Variants in MGAT4C observed in about 807,000 individuals in gnomAD.
MGAT4C encodes the protein MGAT4 family member C, also known as alpha-1,3-mannosyl-glycoprotein 4-beta-N-acetylglucosaminyltransferase C.
A neutral mutation model predicts 40.1 loss-of-function variants in MGAT4C; 19 were observed. That is an observed-to-expected ratio of 0.47 (90% CI 0.33 to 0.70). MGAT4C has a LOEUF of 0.70. Among genes scored for constraint, MGAT4C ranks in the 30% least tolerant of loss-of-function variants. MGAT4C has a pLI of 0.02. For missense variants in MGAT4C, 491 were observed against 563.2 expected, an observed-to-expected ratio of 0.87 and a Z score of 1.30; for synonymous variants, 181 against 187.1, an observed-to-expected ratio of 0.97 and a Z score of 0.27.
intron 1 of MGAT4C, among the ~76,000 whole-genome samples, chr12:86,255,312 C>T (rs1354826408): frequency 6.6e-6 from 1 of 151,996 alleles, no homozygotes; most frequent in Non-Finnish European, 1.5e-5. Context: ...TGAGGGGATA[C>T]AAATGTTTTT....
chr12:86,316,079 C>CAAAAAAAAAAAAAAA (rs71076185), intron 4 of MGAT4C, among the ~76,000 whole-genome samples: 1 of 34,062 alleles, frequency 2.9e-5, no homozygotes, highest in Non-Finnish European at 5.0e-5. Context: ...ATACAAGCAG[C>CAAAAAAAAAAAAAAA]AAAAAAAAAA....
intron 4 of MGAT4C, among the ~76,000 whole-genome samples, chr12:86,279,117 T>G (rs1447343171): frequency 6.6e-6 from 1 of 152,182 alleles, no homozygotes; most frequent in African/African-American, 2.4e-5. Flanking sequence ...TTTTCTTTTC[T>G]ATTTTTTTAA....
At chr12:86,208,187 T>A (rs1487084921) in intron 1 of MGAT4C, among the ~76,000 whole-genome samples, 4 of 152,164 alleles carry the variant, frequency 2.6e-5, no homozygotes, top group Non-Finnish European at 2.9e-5. Flanking sequence ...AAATTCAAGC[T>A]GGGCGCAGTG....
At chr12:86,811,840 CCTG>C (rs1425058898) in intron 1 of MGAT4C, among the ~76,000 whole-genome samples, 2 of 151,988 alleles carry the variant, frequency 1.3e-5, no homozygotes, top group African/African-American at 2.4e-5. Flanking sequence ...ATATTTCCTT[CCTG>C]CTTTTTGCTC....
At chr12:86,457,266 T>C (rs962997633) in intron 2 of MGAT4C, among the ~76,000 whole-genome samples, 2 of 152,158 alleles carry the variant, frequency 1.3e-5, no homozygotes, top group Admixed American at 1.3e-4. Context: ...TTCAGGCATA[T>C]TATTTTTCAT....
chr12:86,491,517 G>T (rs1958134640), intron 2 of MGAT4C, among the ~76,000 whole-genome samples: 1 of 151,860 alleles, frequency 6.6e-6, no homozygotes, highest in African/African-American at 2.4e-5. Flanking sequence ...ACGTAATCCA[G>T]CATATAAACA....
Position 86,632,328 on chromosome 12 carries a change from C to T in MGAT4C, c.-229+94881G>A, listed in dbSNP as rs191939015. 7.5e-3 allele frequency among the ~76,000 whole-genome samples: 1,148 copies of T among 152,192 alleles called. 4 individuals carry two copies. The highest frequency in any genetic ancestry group is 0.027 in the Middle Eastern group (8 of 294). On this transcript the variant is annotated intron_variant, in intron 2 of 7. Transcript: ENST00000548651. ...TGGGGGGACTGTAAACTAGTTCAACCATTGTGGAAGACAGTGTGGCGATTC... is the reference window on the plus strand; with the variant it reads ...TGGGGGGACTGTAAACTAGTTCAACTATTGTGGAAGACAGTGTGGCGATTC...
At chr12:86,774,327 C>CTTTCTTTCTTTCT (rs1565981576) in intron 1 of MGAT4C, among the ~76,000 whole-genome samples, 4 of 102,504 alleles carry the variant, frequency 3.9e-5, no homozygotes, top group East Asian at 3.2e-4. Flanking sequence ...TTCTTTCTTT[C>CTTTCTTTCTTTCT]TTTCTTTCTT....
chr12:86,674,992 T>C (rs895885731), intron 2 of MGAT4C, among the ~76,000 whole-genome samples: 10 of 152,172 alleles, frequency 6.6e-5, no homozygotes, highest in African/African-American at 2.4e-4. Flanking sequence ...ATTAACCTCA[T>C]TTTACCTTCA....
chr12:86,690,945 T>C (rs1289981103), intron 2 of MGAT4C, among the ~76,000 whole-genome samples: 2 of 152,236 alleles, frequency 1.3e-5, no homozygotes, highest in African/African-American at 4.8e-5. Context: ...TGTATATTTC[T>C]GTCCACATTA....
At chr12:86,053,168 CTT>C (rs34127747) in intron 1 of MGAT4C, among the ~76,000 whole-genome samples, 1 of 145,962 alleles carries the variant, frequency 6.9e-6, no homozygotes. Flanking sequence ...GCCACGGTGA[CTT>C]TTTTTTTTTA....
intron 2 of MGAT4C, among the ~76,000 whole-genome samples, chr12:86,672,884 T>A (rs1282014010): frequency 6.6e-6 from 1 of 152,110 alleles, no homozygotes; most frequent in Admixed American, 6.5e-5. Context: ...CCTATATATG[T>A]ACCCTCTGAA....
At chr12:86,588,611 A>C (rs915535897) in intron 2 of MGAT4C, among the ~76,000 whole-genome samples, 26 of 152,148 alleles carry the variant, frequency 1.7e-4, no homozygotes, top group Middle Eastern at 3.4e-3. Flanking sequence ...TTTTTTCAGC[A>C]CCACACCACA....
intron 1 of MGAT4C, among the ~76,000 whole-genome samples, chr12:86,116,163 G>A (rs1294832695): frequency 6.6e-6 from 1 of 151,538 alleles, no homozygotes; most frequent in Non-Finnish European, 1.5e-5. Context: ...TGATGGTCAG[G>A]GCCCAGATCA....
chr12:86,155,205 A>C (rs2135782135), intron 1 of MGAT4C, among the ~76,000 whole-genome samples: 3 of 152,334 alleles, frequency 2.0e-5, no homozygotes, highest in Admixed American at 2.0e-4. Context: ...AATATGTAGC[A>C]GAAATCATAA....
Position 86,029,137 on chromosome 12 carries a change from C to T in MGAT4C, c.-7+20537G>A, listed in dbSNP as rs138128017. 2.6e-5 allele frequency among the ~76,000 whole-genome samples: 4 copies of T among 151,830 alleles called. No individual in the cohort carries two copies. The East Asian group carries it at 7.7e-4, about 29-fold the overall frequency. On this transcript the variant is annotated intron_variant, in intron 2 of 4. Coordinates refer to ENST00000611864, the MANE Select transcript of MGAT4C (RefSeq NM_001351288.2). ...TGATCTCCGATATTATATACATAAC[C>T]ATCATATTTAGCTTTTAGTGTGTGC...
At chr12:86,340,215 A>G (rs1276725281) in intron 3 of MGAT4C, among the ~76,000 whole-genome samples, 2 of 152,190 alleles carry the variant, frequency 1.3e-5, no homozygotes, top group Admixed American at 1.3e-4. Flanking sequence ...AACATAATTT[A>G]TATCTTCAAA....
intron 2 of MGAT4C, among the ~76,000 whole-genome samples, chr12:86,464,875 T>C (rs1257836984): frequency 2.0e-5 from 3 of 152,144 alleles, no homozygotes; most frequent in African/African-American, 7.2e-5. Flanking sequence ...TAAGAGTTCA[T>C]TATTCATATA....
intron 1 of MGAT4C, among the ~76,000 whole-genome samples, chr12:86,106,893 A>G (rs868237334): frequency 2.6e-5 from 4 of 152,240 alleles, no homozygotes; most frequent in Middle Eastern, 6.8e-3. Context: ...CCAAATCCAC[A>G]TTTTCCTTAG....
Sources: gnomAD v4.1 joint callset for allele counts (sites outside exome capture counted in the v4.1 genomes callset) on GRCh38, gnomAD v4.1.1 for gene constraint, MANE v1.5 for transcripts, NCBI Gene and HGNC (gene_info 2026-07-23, HGNC 2026-07-21) for gene names.